Variants in DOCK10 observed in about 807,000 individuals in gnomAD.
DOCK10 encodes dedicator of cytokinesis 10.
A neutral mutation model predicts 280.1 loss-of-function variants in DOCK10; 145 were observed. The ratio of observed to expected loss-of-function variants is 0.52; its 90% CI spans 0.45 to 0.59. The LOEUF (loss-of-function observed/expected upper bound fraction) is 0.59, where lower values mean the gene tolerates loss of function less well. DOCK10 is among the 20% of genes least tolerant of loss of function. DOCK10 has a pLI of 0.00. For missense variants in DOCK10, 2,368 were observed against 2,651.7 expected, an observed-to-expected ratio of 0.89 and a Z score of 2.35; for synonymous variants, 915 against 942.2, an observed-to-expected ratio of 0.97 and a Z score of 0.53.
chr2:224,998,814 T>C (rs891734049), intron 1 of DOCK10, among the ~76,000 whole-genome samples: 8 of 152,234 alleles, frequency 5.3e-5, no homozygotes, highest in African/African-American at 1.9e-4. Context: ...AAGTCAGCTC[T>C]CTGCATGTGA....
intron 1 of DOCK10, among the ~76,000 whole-genome samples, chr2:224,948,726 T>C (rs1270464496): frequency 1.3e-5 from 2 of 152,206 alleles, no homozygotes; most frequent in Admixed American, 6.5e-5. Context: ...TCAGAAAATG[T>C]GCATGCATGG....
chr2:224,961,593 G>C (rs971251285), intron 1 of DOCK10, among the ~76,000 whole-genome samples: 2 of 148,648 alleles, frequency 1.3e-5, no homozygotes, highest in South Asian at 2.1e-4. Context: ...TGCAACCTCC[G>C]CCTCCTGGGT....
intron 3 of DOCK10, among the ~76,000 whole-genome samples, chr2:224,911,072 C>T (rs1264598701): frequency 6.6e-6 from 1 of 151,868 alleles, no homozygotes; most frequent in African/African-American, 2.4e-5. Flanking sequence ...CTGTCCTGAG[C>T]TTTGCAACAT....
intron 1 of DOCK10, among the ~76,000 whole-genome samples, chr2:225,037,323 T>C (rs1187981591): frequency 1.3e-5 from 2 of 152,200 alleles, no homozygotes; most frequent in Non-Finnish European, 2.9e-5. Context: ...GCCTCTGCTA[T>C]TGCAACTATC....
At chr2:224,856,709 G>T in intron 15 of DOCK10, 151 bp downstream of exon 15, 1 of 595,464 alleles carries the variant, frequency 1.7e-6, no homozygotes, top group Non-Finnish European at 2.7e-6. Flanking sequence ...TTACTTTTGT[G>T]GTGCTATTTG....
At chr2:224,875,460 C>T (rs934047142) in intron 8 of DOCK10, among the ~76,000 whole-genome samples, 117 of 152,276 alleles carry the variant, frequency 7.7e-4, no homozygotes, top group African/African-American at 2.7e-3. Context: ...CTAACCTTTT[C>T]ACCTTTTCTT....
intron 11 of DOCK10, among the ~76,000 whole-genome samples, chr2:224,870,014 C>T (rs959970037): frequency 6.6e-6 from 1 of 152,106 alleles, no homozygotes; most frequent in African/African-American, 2.4e-5. Flanking sequence ...GTGTCACCAC[C>T]CAAATCTCAT....
intron 49 of DOCK10, 27 bp from the exon 50 acceptor site, chr2:224,787,162 T>A (rs761281428): frequency 6.2e-7 from 1 of 1,608,040 alleles, no homozygotes; most frequent in Non-Finnish European, 8.5e-7. Context: ...AAGAGTTTCA[T>A]GAAGATGATG....
At chr2:224,771,904 A>AT (rs1353463595) in intron 53 of DOCK10, among the ~76,000 whole-genome samples, 1 of 140,286 alleles carries the variant, frequency 7.1e-6, no homozygotes, top group Non-Finnish European at 1.5e-5. Flanking sequence ...AGTAGCATTA[A>AT]TTTTTTCTTT....
At chr2:224,857,763 T>G (rs1332054797) in intron 14 of DOCK10, among the ~76,000 whole-genome samples, 1 of 152,218 alleles carries the variant, frequency 6.6e-6, no homozygotes, top group Admixed American at 6.5e-5. Context: ...TAGAATTTTT[T>G]TTTTTTACTT....
chr2:224,818,199 T>C (rs941247348), intron 29 of DOCK10, among the ~76,000 whole-genome samples: 4 of 152,190 alleles, frequency 2.6e-5, no homozygotes, highest in African/African-American at 9.7e-5. Flanking sequence ...AGACAGACCA[T>C]ATATACAATG....
Position 225,018,621 on chromosome 2 carries a change from TTATATATATAATATATATGTAATATTA to T in DOCK10, c.123+23604_123+23630del, listed in dbSNP as rs1553633085. Among the ~76,000 whole-genome samples, 59 of 39,320 alleles carry T rather than the reference TTATATATATAATATATATGTAATATTA, an allele frequency of 1.5e-3. 15 individuals are homozygous for T. Among genetic ancestry groups the T allele is most frequent in the Non-Finnish European group, 2.9e-3 (57 of 19,554 alleles). The allele number at this position is 39,320 out of a possible 152,430, so 25.8% of individuals were successfully genotyped here. On this transcript the variant is annotated intron_variant, in intron 1 of 55. Coordinates refer to ENST00000258390, the MANE Select transcript of DOCK10 (RefSeq NM_014689.3). ...ATATATATATAATATATATGTAATA[TTATATATATAATATATATGTAATATTA>T]TATATATATAATATATATGTAATAT... is the stretch of plus-strand genomic sequence containing the variant.
chr2:224,985,837 T>C (rs1269449921), intron 1 of DOCK10, among the ~76,000 whole-genome samples: 3 of 145,478 alleles, frequency 2.1e-5, no homozygotes, highest in Admixed American at 6.6e-5. Flanking sequence ...TGGCTGTACA[T>C]GTTGATATAT....
intron 1 of DOCK10, among the ~76,000 whole-genome samples, chr2:224,952,327 T>C (rs1197289153): frequency 6.6e-6 from 1 of 151,410 alleles, no homozygotes; most frequent in Non-Finnish European, 1.5e-5. Flanking sequence ...TGGCCTTTGG[T>C]TGTGGTTTCC....
intron 29 of DOCK10, among the ~76,000 whole-genome samples, chr2:224,817,224 G>C (rs891544036): frequency 6.6e-6 from 1 of 152,158 alleles, no homozygotes; most frequent in Non-Finnish European, 1.5e-5. Context: ...TTTCCTCCCT[G>C]CCCTTGCAAA....
chr2:224,912,244 T>C (rs1701059527), intron 3 of DOCK10, among the ~76,000 whole-genome samples: 1 of 152,020 alleles, frequency 6.6e-6, no homozygotes, highest in South Asian at 2.1e-4. Flanking sequence ...CAAGTGATTC[T>C]CCTGCCTCAG....
At chr2:225,016,528 CATAG>C (rs1689595055) in intron 1 of DOCK10, among the ~76,000 whole-genome samples, 1 of 138,450 alleles carries the variant, frequency 7.2e-6, no homozygotes, top group African/African-American at 2.8e-5. Flanking sequence ...TCTATATGCA[CATAG>C]ATACATATAT....
intron 1 of DOCK10, among the ~76,000 whole-genome samples, chr2:225,003,928 T>C (rs1706505364): frequency 6.6e-6 from 1 of 152,190 alleles, no homozygotes; most frequent in African/African-American, 2.4e-5. Flanking sequence ...TTAAATGTAG[T>C]TAGGTCTATC....
In DOCK10 at chr2:224,940,174, TG is replaced by T. The variant is rs763393496; in HGVS notation, c.124-8507del. On this transcript the variant is annotated intron_variant, in intron 1 of 55. Coordinates refer to ENST00000258390, the MANE Select transcript of DOCK10 (RefSeq NM_014689.3). Reference sequence around the variant, plus strand: ...GAAAGGATTGGAATTGTTTCATTTCTGGGGCTACACTCCCACAAGACTTTCC... The same window carrying T: ...GAAAGGATTGGAATTGTTTCATTTCTGGGCTACACTCCCACAAGACTTTCC... 2.6e-5 allele frequency among the ~76,000 whole-genome samples: 4 copies of T among 152,302 alleles called. No individual in the cohort carries two copies. The East Asian group carries it at 5.8e-4, about 22-fold the overall frequency.
Sources: allele counts gnomAD v4.1 joint callset (sites outside exome capture counted in the v4.1 genomes callset), GRCh38; gene constraint gnomAD v4.1.1; transcripts MANE v1.5; gene names NCBI Gene and HGNC (gene_info 2026-07-23, HGNC 2026-07-21).